Variants in CARMIL1 observed in about 807,000 individuals in gnomAD.
CARMIL1 encodes the protein F-actin-uncapping protein LRRC16A.
Under a neutral mutation model 177.1 loss-of-function variants are expected in CARMIL1, and 90 were observed. That is an observed-to-expected ratio of 0.51 (90% confidence interval 0.43 to 0.61). CARMIL1 has a LOEUF of 0.61. Among genes scored for constraint, CARMIL1 ranks in the 20% least tolerant of loss-of-function variants. The pLI is 0.00. For missense variants in CARMIL1, 1,380 were observed against 1,667.0 expected, an observed-to-expected ratio of 0.83 and a Z score of 3.00; for synonymous variants, 577 against 606.2, an observed-to-expected ratio of 0.95 and a Z score of 0.71.
At chr6:25,582,074 T>G (rs943177572) in intron 31 of CARMIL1, among the ~76,000 whole-genome samples, 35 of 152,362 alleles carry the variant, frequency 2.3e-4, no homozygotes, top group African/African-American at 7.5e-4. Context: ...AGTTTTCCTG[T>G]GCCAATTGTC....
intron 2 of CARMIL1, among the ~76,000 whole-genome samples, chr6:25,318,124 A>T (rs976508745): frequency 6.6e-6 from 1 of 152,136 alleles, no homozygotes; most frequent in Non-Finnish European, 1.5e-5. Context: ...TTCTCAGTTC[A>T]GAGTTGAGGG....
chr6:25,572,017 A>G (rs9358860), intron 29 of CARMIL1, among the ~76,000 whole-genome samples: 35,149 of 152,072 alleles, frequency 0.23, 4,487 homozygotes, highest in East Asian at 0.43. Flanking sequence ...GGGAATTTGA[A>G]TATGGACTAT....
chr6:25,534,752 G>A (rs1482986915), intron 24 of CARMIL1, among the ~76,000 whole-genome samples: 1 of 152,144 alleles, frequency 6.6e-6, no homozygotes, highest in Admixed American at 6.5e-5. Flanking sequence ...TGCTAATTGT[G>A]AATATTTCTT....
At chr6:25,339,514 C>A (rs1341290649) in intron 2 of CARMIL1, among the ~76,000 whole-genome samples, 2 of 152,192 alleles carry the variant, frequency 1.3e-5, no homozygotes, top group Non-Finnish European at 2.9e-5. Context: ...TTTCAGTATT[C>A]TTCCTTGTTT....
chr6:25,319,781 T>C (rs1784548253), intron 2 of CARMIL1, among the ~76,000 whole-genome samples: 2 of 150,484 alleles, frequency 1.3e-5, no homozygotes, highest in Admixed American at 1.3e-4. Context: ...TTTTTTTTTT[T>C]TTTTTTAAAC....
chr6:25,606,237 G>C lies in CARMIL1; in HGVS notation c.3811G>C (p.Val1271Leu). 1 of 1,613,820 alleles carries C rather than the reference G, an allele frequency of 6.2e-7. No individual in the cohort carries two copies. The highest frequency in any genetic ancestry group is 8.5e-7 in the Non-Finnish European group (1 of 1,179,844). The stretch of plus-strand genomic sequence containing the variant: ...CAAACCCAGTCTGGCAGCACGGCCC[G>C]TCATCCCGCAGAAACCAAGAACCGC... ...SPKPSLAARP[V>L]IPQKPRTASR... Residue 1271 changes from valine (V) to leucine (L), a missense_variant, in exon 35 of 37, where the codon GTC becomes CTC. Coordinates refer to ENST00000329474, the MANE Select transcript of CARMIL1 (RefSeq NM_017640.6).
chr6:25,424,093 A>G (rs1331170512), intron 3 of CARMIL1, among the ~76,000 whole-genome samples: 1 of 152,154 alleles, frequency 6.6e-6, no homozygotes, highest in Non-Finnish European at 1.5e-5. Context: ...CCTCCCCACT[A>G]TTAATGATAA....
At chr6:25,356,385 T>TC (rs1255923766) in intron 2 of CARMIL1, among the ~76,000 whole-genome samples, 2 of 152,276 alleles carry the variant, frequency 1.3e-5, no homozygotes, top group East Asian at 3.9e-4. Context: ...TGTCAGCCAT[T>TC]CAGTGAGTTT....
intron 8 of CARMIL1, among the ~76,000 whole-genome samples, chr6:25,451,145 C>G (rs1798874068): frequency 6.6e-6 from 1 of 151,320 alleles, no homozygotes; most frequent in African/African-American, 2.4e-5. Flanking sequence ...GTTATAGTTT[C>G]AAATATGTTT....
intron 9 of CARMIL1, among the ~76,000 whole-genome samples, chr6:25,469,232 T>C (rs1265096603): frequency 6.6e-6 from 1 of 152,216 alleles, no homozygotes; most frequent in African/African-American, 2.4e-5. Context: ...ATAAGAATTA[T>C]GAGAGCCTTA....
chr6:25,435,896 G>A (rs1299754454), intron 5 of CARMIL1, among the ~76,000 whole-genome samples: 1 of 152,126 alleles, frequency 6.6e-6, no homozygotes, highest in Non-Finnish European at 1.5e-5. Context: ...CAGATTTACA[G>A]GAGTGTGAAT....
intron 2 of CARMIL1, among the ~76,000 whole-genome samples, chr6:25,300,679 A>G (rs1782789778): frequency 6.6e-6 from 1 of 152,202 alleles, no homozygotes; most frequent in African/African-American, 2.4e-5. Flanking sequence ...AGCAAAATCA[A>G]AGCATAGGAG....
At chr6:25,492,766 TAAAAGGATAACCCTCA>T (rs1235920300) in intron 15 of CARMIL1, among the ~76,000 whole-genome samples, 20 of 152,316 alleles carry the variant, frequency 1.3e-4, no homozygotes, top group African/African-American at 4.8e-4. Flanking sequence ...CTTATATATT[TAAAAGGATAACCCTCA>T]CTTATTTGGA....
chr6:25,484,099 C>G (rs968232268), intron 12 of CARMIL1, among the ~76,000 whole-genome samples: 11 of 152,140 alleles, frequency 7.2e-5, no homozygotes, highest in Non-Finnish European at 1.6e-4. Flanking sequence ...TCAGACAACC[C>G]CCTCTCACCA....
intron 2 of CARMIL1, among the ~76,000 whole-genome samples, chr6:25,305,452 T>A (rs6908260): frequency 0.061 from 9,318 of 152,280 alleles, 497 homozygotes; most frequent in East Asian, 0.29. Context: ...TTTTTTAGTT[T>A]GTCTTTCAGG....
At chr6:25,601,131 G>A (rs1241094787) in intron 33 of CARMIL1, among the ~76,000 whole-genome samples, 2 of 152,112 alleles carry the variant, frequency 1.3e-5, no homozygotes, top group East Asian at 3.9e-4. Flanking sequence ...TTGTGTTTTT[G>A]CCCTCGCTGG....
At chr6:25,451,986 G>GCCGCCCCC in intron 8 of CARMIL1, 1 of 112,672 alleles carries the variant, frequency 8.9e-6, no homozygotes, top group East Asian at 2.0e-4. Flanking sequence ...CTAGCATCTT[G>GCCGCCCCC]CCCCCCCCTC....
At chr6:25,571,965 G>A (rs533004418) in intron 29 of CARMIL1, among the ~76,000 whole-genome samples, 23 of 152,312 alleles carry the variant, frequency 1.5e-4, no homozygotes, top group Admixed American at 4.6e-4. Context: ...TTAAGATCCC[G>A]AAAGGGGAGG....
chr6:25,328,125 T>C (rs1785290996), intron 2 of CARMIL1, among the ~76,000 whole-genome samples: 2 of 152,208 alleles, frequency 1.3e-5, no homozygotes, highest in Admixed American at 1.3e-4. Flanking sequence ...AAGAAAACTA[T>C]TTAAATCCAG....
Sources: allele counts gnomAD v4.1 joint callset (sites outside exome capture counted in the v4.1 genomes callset), GRCh38; gene constraint gnomAD v4.1.1; transcripts MANE v1.5; gene names NCBI Gene and HGNC (gene_info 2026-07-23, HGNC 2026-07-21).